DDX42: variants seen among roughly 807,000 people sequenced by gnomAD.
The protein encoded by DDX42 is DEAD-box helicase 42.
DDX42 carries 22 observed loss-of-function variants against 101.5 expected under a neutral mutation model. That is an observed-to-expected ratio of 0.22 (90% CI 0.15 to 0.31). DDX42 has a LOEUF of 0.31. Ranked by LOEUF, DDX42 falls within the 10% of genes least tolerant of loss-of-function variation. The pLI, the probability that DDX42 is intolerant of heterozygous loss-of-function variation, is 1.00. For synonymous variants in DDX42, 402 were observed against 401.2 expected (o/e 1.00, Z -0.02); for missense variants, 849 against 1,199.9 (o/e 0.71, Z 4.32).
intron 1 of DDX42, chr17:63,774,811 T>C (rs2039397822): frequency 1.3e-5 from 2 of 152,218 alleles, no homozygotes; most frequent in African/African-American, 2.4e-5. Flanking sequence ...ATATAGGCGA[T>C]GATCTTTGTG....
At chr17:63,801,030 TTCTC>T (rs2039761743) in intron 6 of DDX42, among the ~76,000 whole-genome samples, 1 of 151,332 alleles carries the variant, frequency 6.6e-6, no homozygotes, top group African/African-American at 2.4e-5. Context: ...CTTTCTTCTC[TTCTC>T]TTTCTTCTCT....
chr17:63,808,138 T>C (rs1393465396), intron 9 of DDX42, among the ~76,000 whole-genome samples: 1 of 152,212 alleles, frequency 6.6e-6, no homozygotes, highest in Non-Finnish European at 1.5e-5. Context: ...TATAACCAAA[T>C]ACATATTTTC....
rs771713740 is a variant in DDX42, at chr17:63,818,299, C to G, written c.2718C>G (p.Ser906Arg). 1.2e-6 allele frequency: 2 copies of G among 1,614,010 alleles called. No individual in the cohort carries two copies. The highest frequency in any genetic ancestry group is 2.2e-5 in the South Asian group (2 of 91,068). ...CCAAGATGGAACCCAAAGTGGACAGCAGCAAGATGGACAAGGTGGACAGCA... is the reference window on the plus strand; with the variant it reads ...CCAAGATGGAACCCAAAGTGGACAGGAGCAAGATGGACAAGGTGGACAGCA... ...MEPKMEPKVD[S>R]SKMDKVDSKT... The change falls in exon 18 of 18, where the codon AGC (serine) becomes AGG (arginine). Residue 906 changes from serine (S) to arginine (R), a missense_variant. This residue lies in a region of DDX42 where 300 missense variants were observed against 304.9 expected (regional missense o/e 0.98). Transcript: ENST00000389924.
chr17:63,815,060 TAAATA>T (rs2144590863), intron 15 of DDX42, among the ~76,000 whole-genome samples: 1 of 152,340 alleles, frequency 6.6e-6, no homozygotes, highest in South Asian at 2.1e-4. Flanking sequence ...GCTCTGCGGG[TAAATA>T]AAATTTTCAG....
intron 6 of DDX42, among the ~76,000 whole-genome samples, chr17:63,801,553 G>A (rs771182563): frequency 1.6e-4 from 24 of 150,168 alleles, no homozygotes; most frequent in Non-Finnish European, 3.0e-4. Flanking sequence ...TTTTCCAGAC[G>A]AAGTCTTGCT....
intron 1 of DDX42, among the ~76,000 whole-genome samples, chr17:63,785,265 TC>T (rs2144532237): frequency 1.4e-5 from 2 of 147,452 alleles, no homozygotes; most frequent in African/African-American, 5.1e-5. Context: ...GGCCAGGAGT[TC>T]CAGACCAGCC....
intron 9 of DDX42, 85 bp downstream of exon 9, chr17:63,807,985 C>CTT: frequency 1.6e-6 from 2 of 1,245,792 alleles, no homozygotes; most frequent in Non-Finnish European, 1.1e-6. Flanking sequence ...GACCAGGAAA[C>CTT]TTTTTTTTTT....
chr17:63,798,164 T>A, intron 4 of DDX42, 65 bp downstream of exon 4: 1 of 1,478,666 alleles, frequency 6.8e-7, no homozygotes, highest in Admixed American at 1.8e-5. Context: ...CAAAGTCTAT[T>A]CCCCCAAAGT....
chr17:63,785,996 C>G (rs1358632923), intron 1 of DDX42, among the ~76,000 whole-genome samples: 1 of 152,164 alleles, frequency 6.6e-6, no homozygotes, highest in African/African-American at 2.4e-5. Flanking sequence ...TTCATATCTC[C>G]AGTGGCCTTG....
Position 63,819,197 on chromosome 17 carries a change from G to C in DDX42, c.*799G>C, listed in dbSNP as rs1489888547. The stretch of plus-strand genomic sequence containing the variant: ...TGCTGAAATGATTTTGATGATTTTT[G>C]TTTATCGTTTATAAAAAGGAAAAGA... On this transcript the variant is annotated 3_prime_UTR_variant, in exon 18 of 18. Coordinates refer to ENST00000389924, the MANE Select transcript of DDX42 (RefSeq NM_203499.3). 3 of 152,462 alleles carry C rather than the reference G, an allele frequency of 2.0e-5. No homozygotes were observed. Among genetic ancestry groups the C allele is most frequent in the African/African-American group, 7.3e-5 (3 of 41,374 alleles). The allele number at this position is 152,462 out of a possible 1,614,324, so 9.4% of individuals were successfully genotyped here. A position where few individuals can be genotyped will look rare whatever the true frequency, so the allele number is the denominator to read the frequency against.
intron 17 of DDX42, 23 bp from the exon 18 acceptor site, chr17:63,817,671 C>T (rs1476359488): frequency 3.1e-6 from 5 of 1,607,336 alleles, no homozygotes; most frequent in Non-Finnish European, 4.3e-6. Flanking sequence ...CTTACCTACT[C>T]CTGATGTCTC....
In DDX42 at chr17:63,787,288, G is replaced by A; in HGVS notation, c.221+18G>A. ...GAAAATGCGTAAGTGGTAATTCCTG[G>A]TAGTGTAGCAAAGTTTGGACTTTGA... is the stretch of plus-strand genomic sequence containing the variant. On this transcript the variant is annotated intron_variant, in intron 2 of 17. Transcript: ENST00000389924. The A allele has an allele frequency of 6.2e-7, 1 of 1,612,766 alleles. No homozygotes were observed.
intron 15 of DDX42, among the ~76,000 whole-genome samples, chr17:63,815,335 C>G (rs1277694732): frequency 6.6e-6 from 1 of 152,192 alleles, no homozygotes. Flanking sequence ...GGAGGGAGCA[C>G]TGTAGGAAGC....
chr17:63,787,308 C>CT (rs1567731558), intron 2 of DDX42, 38 bp downstream of exon 2: 1 of 1,598,918 alleles, frequency 6.3e-7, no homozygotes, highest in Non-Finnish European at 8.6e-7. Context: ...AAAGTTTGGA[C>CT]TTTGATATAT....
intron 11 of DDX42, 83 bp from the exon 12 acceptor site, chr17:63,810,430 A>T (rs1313476069): frequency 7.0e-7 from 1 of 1,426,806 alleles, no homozygotes; most frequent in Non-Finnish European, 9.7e-7. Context: ...ACTTCTTATG[A>T]AGACTTTTAC....
At position 63,792,567 on chromosome 17, in the gene DDX42, G is replaced by A. The variant is rs372019809; in HGVS notation, c.372+5G>A. 5.0e-6 allele frequency: 8 copies of A among 1,603,772 alleles called. No individual in the cohort carries two copies. The highest frequency in any genetic ancestry group is 6.8e-6 in the Non-Finnish European group (8 of 1,175,306). On this transcript the variant is annotated splice_donor_5th_base_variant and intron_variant, in intron 3 of 17. Transcript: ENST00000389924. Reference sequence around the variant, plus strand: ...GCATTCATGGCTGAAGTGGAGGCAAGTATCAACATGTTTCATTAAAATATT... The same window carrying A: ...GCATTCATGGCTGAAGTGGAGGCAAATATCAACATGTTTCATTAAAATATT...
intron 8 of DDX42, 106 bp downstream of exon 8, chr17:63,806,760 G>A (rs2251164): frequency 0.63 from 798,252 of 1,262,882 alleles, 256,311 homozygotes; most frequent in African/African-American, 0.91. Context: ...GTAGAACCTT[G>A]TTGATAAGGA....
At chr17:63,777,365 G>A (rs554720005) in intron 1 of DDX42, among the ~76,000 whole-genome samples, 1 of 152,234 alleles carries the variant, frequency 6.6e-6, no homozygotes, top group South Asian at 2.1e-4. Context: ...AAGTGAATAA[G>A]CCTGTTTCTT....
At chr17:63,814,086 C>T (rs1229362612) in intron 15 of DDX42, among the ~76,000 whole-genome samples, 12 of 152,098 alleles carry the variant, frequency 7.9e-5, no homozygotes, top group African/African-American at 2.2e-4. Context: ...GTGATCCGCC[C>T]GCCTCGGCCT....
Sources: gnomAD v4.1 joint callset for allele counts (sites outside exome capture counted in the v4.1 genomes callset) on GRCh38, gnomAD v4.1.1 for gene constraint, gnomAD v4.1.1 regional missense constraint, MANE v1.5 for transcripts, NCBI Gene and HGNC (gene_info 2026-07-23, HGNC 2026-07-21) for gene names.